DDX46: variants seen among roughly 807,000 people sequenced by gnomAD.
DDX46 encodes DEAD-box helicase 46, also known as probable ATP-dependent RNA helicase DDX46.
DDX46 carries 30 observed loss-of-function variants against 134.9 expected under a neutral mutation model. The observed-to-expected ratio is 0.22, with a 90% CI of 0.17 to 0.30. The LOEUF is 0.30. Ranked by LOEUF, DDX46 falls within the 10% of genes least tolerant of loss-of-function variation. The pLI is 1.00. For synonymous variants in DDX46, 415 were observed against 404.1 expected (o/e 1.03, Z -0.32); for missense variants, 622 against 1,248.7 (o/e 0.50, Z 7.56).
intron 6 of DDX46, chr5:134,778,018 C>CTA: frequency 5.1e-6 from 1 of 194,978 alleles, no homozygotes; most frequent in Non-Finnish European, 1.0e-5. Context: ...GTCTTTGATA[C>CTA]TCTTTTTTTT....
chr5:134,772,324 T>C (rs1452500215), intron 4 of DDX46, among the ~76,000 whole-genome samples: 2 of 151,578 alleles, frequency 1.3e-5, no homozygotes, highest in Non-Finnish European at 2.9e-5. Context: ...GAGATTGAGA[T>C]CATCTTGGCC....
At chr5:134,813,227 G>T (rs976677096) in intron 18 of DDX46, among the ~76,000 whole-genome samples, 1 of 152,182 alleles carries the variant, frequency 6.6e-6, no homozygotes, top group African/African-American at 2.4e-5. Context: ...ACAGGCGTGA[G>T]CCACCACGCC....
chr5:134,767,124 T>C, intron 3 of DDX46, 64 bp downstream of exon 3: 2 of 1,238,692 alleles, frequency 1.6e-6, no homozygotes, highest in South Asian at 1.9e-5. Flanking sequence ...CTCTGCGCCT[T>C]TTTTTTTTTT....
At chr5:134,797,597 A>G (rs1368553075) in intron 15 of DDX46, among the ~76,000 whole-genome samples, 6 of 152,202 alleles carry the variant, frequency 3.9e-5, no homozygotes, top group Non-Finnish European at 5.9e-5. Flanking sequence ...TCTGCCATAT[A>G]CAAATAGGTT....
At chr5:134,790,862 G>A (rs917285947) in intron 13 of DDX46, among the ~76,000 whole-genome samples, 1 of 151,676 alleles carries the variant, frequency 6.6e-6, no homozygotes. Flanking sequence ...TTGCTCTGTC[G>A]CCCAGACTGC....
At chr5:134,810,780 C>T (rs1268741908) in intron 16 of DDX46, among the ~76,000 whole-genome samples, 4 of 151,472 alleles carry the variant, frequency 2.6e-5, no homozygotes, top group East Asian at 2.0e-4. Context: ...CCAAGGCGGG[C>T]GGATCACCTG....
chr5:134,795,201 C>CTTATTTTT (rs1301651132), intron 14 of DDX46, among the ~76,000 whole-genome samples, 187 bp downstream of exon 14: 2 of 138,082 alleles, frequency 1.4e-5, no homozygotes, highest in Admixed American at 7.0e-5. Flanking sequence ...ATTTAAAATG[C>CTTATTTTT]TTGTTTTTTT....
rs913389858 is a variant in DDX46 at position 134,829,437 on chromosome 5, A to G, written c.*731A>G. ...TAATCTTCCTTAAAAGAAAGAGTGT[A>G]GCCTATAAATACTAAATATGATACC... On this transcript the variant is annotated 3_prime_UTR_variant, in exon 23 of 23. Coordinates refer to ENST00000452510, the MANE Select transcript of DDX46 (RefSeq NM_001300860.2). The G allele has an allele frequency of 6.6e-6, 1 of 152,192 alleles. No homozygotes were observed. Among genetic ancestry groups the G allele is most frequent in the Non-Finnish European group, 1.5e-5 (1 of 68,030 alleles). The allele number at this position is 152,192 out of a possible 1,614,324, so 9.4% of individuals were successfully genotyped here. A position where few individuals can be genotyped will look rare whatever the true frequency, so the allele number is the denominator to read the frequency against.
At chr5:134,808,057 C>A in intron 16 of DDX46, 116 bp downstream of exon 16, 1 of 970,344 alleles carries the variant, frequency 1.0e-6, no homozygotes, top group Non-Finnish European at 1.5e-6. Flanking sequence ...CTTTAATCCA[C>A]ATAATGTGAA....
intron 9 of DDX46, among the ~76,000 whole-genome samples, chr5:134,783,441 G>A (rs927845140): frequency 2.7e-5 from 4 of 150,134 alleles, no homozygotes; most frequent in African/African-American, 9.8e-5. Flanking sequence ...AGTAGAGACA[G>A]GGTTTCACCA....
intron 16 of DDX46, among the ~76,000 whole-genome samples, chr5:134,809,967 T>A (rs1380913922): frequency 6.6e-6 from 1 of 152,144 alleles, no homozygotes; most frequent in Non-Finnish European, 1.5e-5. Flanking sequence ...GAACCAAGAT[T>A]GTGCCATTGC....
chr5:134,826,884 GAT>G (rs1203531014), intron 21 of DDX46, 61 bp from the exon 22 acceptor site: 5 of 1,513,664 alleles, frequency 3.3e-6, no homozygotes, highest in African/African-American at 1.4e-5. Context: ...GGACCTCCGT[GAT>G]ATGGGTAAAC....
Position 134,788,599 on chromosome 5 carries a change from A to G in DDX46, c.1543+8A>G. 6.2e-7 allele frequency: 1 copy of G among 1,611,424 alleles called. No individual in the cohort carries two copies. The highest frequency in any genetic ancestry group is 8.5e-7 in the Non-Finnish European group (1 of 1,179,092). The stretch of plus-strand genomic sequence containing the variant: ...TGTTAGCCGCTAACAGTGGTAAGTC[A>G]GGGGTATTTTTTTGGTGTCTTTTAT... On this transcript the variant is annotated splice_region_variant and intron_variant, in intron 12 of 22. Coordinates refer to ENST00000452510, the MANE Select transcript of DDX46 (RefSeq NM_001300860.2).
intron 13 of DDX46, among the ~76,000 whole-genome samples, chr5:134,792,380 A>G (rs776841088): frequency 6.6e-6 from 1 of 152,120 alleles, no homozygotes; most frequent in East Asian, 1.9e-4. Context: ...CTGAATAAAC[A>G]TTATTTGGAG....
At chr5:134,808,684 A>G (rs1755058776) in intron 16 of DDX46, among the ~76,000 whole-genome samples, 1 of 152,108 alleles carries the variant, frequency 6.6e-6, no homozygotes, top group Admixed American at 6.6e-5. Context: ...CCTCCCTATC[A>G]TTCATACATA....
intron 16 of DDX46, among the ~76,000 whole-genome samples, chr5:134,809,984 G>C (rs911484398): frequency 5.3e-5 from 8 of 152,168 alleles, no homozygotes; most frequent in African/African-American, 1.7e-4. Context: ...TTGCACTCCA[G>C]CCTGGGCAGC....
chr5:134,788,247 T>A lies in DDX46; in HGVS notation c.1465-266T>A, dbSNP rs181908346. Among the ~76,000 whole-genome samples, 396 of 152,000 alleles carry A rather than the reference T, an allele frequency of 2.6e-3. 2 individuals carry two copies. Among genetic ancestry groups the A allele is most frequent in the Non-Finnish European group, 4.8e-3 (324 of 67,968 alleles). ...TCAAGAGATTATCACTTTTTTTTTT[T>A]AAACTGCTTTCTTAAGTTCATTTCT... On this transcript the variant is annotated intron_variant, in intron 11 of 22. Coordinates refer to ENST00000452510, the MANE Select transcript of DDX46 (RefSeq NM_001300860.2).
At chr5:134,804,943 T>C (rs2150153516) in intron 15 of DDX46, 1 of 345,682 alleles carries the variant, frequency 2.9e-6, no homozygotes, top group East Asian at 6.4e-5. Flanking sequence ...CACGTAACAA[T>C]ATTAGATCTC....
At chr5:134,763,740 T>A (rs1368255320) in intron 1 of DDX46, among the ~76,000 whole-genome samples, 164 bp from the exon 2 acceptor site, 1 of 152,232 alleles carries the variant, frequency 6.6e-6, no homozygotes, top group Non-Finnish European at 1.5e-5. Context: ...GTGTCTGTGC[T>A]GAAGCAGAAG....
Sources: allele counts gnomAD v4.1 joint callset (sites outside exome capture counted in the v4.1 genomes callset), GRCh38; gene constraint gnomAD v4.1.1; transcripts MANE v1.5; gene names NCBI Gene and HGNC (gene_info 2026-07-23, HGNC 2026-07-21).